Variants in ATP7A observed in about 807,000 individuals in gnomAD.
ATP7A encodes the protein ATPase copper transporting alpha.
Under a neutral mutation model 83.5 loss-of-function variants are expected in ATP7A, and 7 were observed. The ratio of observed to expected loss-of-function variants is 0.08; its 90% CI spans 0.05 to 0.16. The LOEUF (loss-of-function observed/expected upper bound fraction) is 0.16. Ranked by LOEUF, ATP7A falls within the 10% of genes least tolerant of loss-of-function variation. ATP7A has a pLI of 1.00. For synonymous variants in ATP7A, 354 were observed against 395.2 expected, an observed-to-expected ratio of 0.90 and a Z score of 1.24; for missense variants, 940 against 1,120.8, an observed-to-expected ratio of 0.84 and a Z score of 2.30.
intron 2 of ATP7A, 51 bp from the exon 3 acceptor site, chrX:77,988,191 C>G: frequency 2.6e-6 from 3 of 1,135,098 alleles, no homozygotes; most frequent in Non-Finnish European, 3.6e-6. Context: ...TATTTTAAAT[C>G]CTGTGTGATA....
At chrX:77,984,136 A>G (rs183244262) in intron 2 of ATP7A, among the ~76,000 whole-genome samples, 135 of 111,113 alleles carry the variant, frequency 1.2e-3, no homozygotes, top group African/African-American at 3.0e-3. Context: ...AGAGAAGGGA[A>G]GTTATTTTTG....
intron 2 of ATP7A, among the ~76,000 whole-genome samples, chrX:77,972,579 G>T (rs899649332): frequency 8.9e-6 from 1 of 112,040 alleles, no homozygotes; most frequent in African/African-American, 3.2e-5. Context: ...TTGAACTCCT[G>T]ACCTCAGGTG....
At chrX:78,016,059 C>A (rs782482137) in intron 12 of ATP7A, among the ~76,000 whole-genome samples, 178 bp downstream of exon 12, 5 of 111,652 alleles carry the variant, frequency 4.5e-5, no homozygotes, top group Non-Finnish European at 9.4e-5. Context: ...GCTATTAGTC[C>A]ATTTTCACAT....
chrX:78,043,823 A>G (rs930316643), intron 21 of ATP7A, among the ~76,000 whole-genome samples: 2 of 105,178 alleles, frequency 1.9e-5, no homozygotes, highest in Admixed American at 2.1e-4. Context: ...ACGCCCAACT[A>G]ATTTTTGTAT....
intron 5 of ATP7A, among the ~76,000 whole-genome samples, chrX:78,000,802 C>G (rs1326653523): frequency 1.8e-5 from 2 of 109,434 alleles, no homozygotes; most frequent in East Asian, 5.7e-4. Flanking sequence ...GTAGCTGGGA[C>G]TACAGGTGTA....
intron 2 of ATP7A, among the ~76,000 whole-genome samples, chrX:77,972,686 C>A (rs1468345480): frequency 1.8e-5 from 2 of 110,304 alleles, no homozygotes; most frequent in Non-Finnish European, 3.8e-5. Flanking sequence ...TTTTTTGTAG[C>A]GATGGGGGTC....
chrX:77,932,283 G>A (rs1557224550), intron 1 of ATP7A, among the ~76,000 whole-genome samples: 1 of 107,512 alleles, frequency 9.3e-6, no homozygotes. Context: ...CGGGGCAGAG[G>A]TGCTCCCCAC....
chrX:78,041,352 C>T (rs781998326), intron 19 of ATP7A, among the ~76,000 whole-genome samples: 9 of 109,333 alleles, frequency 8.2e-5, no homozygotes, highest in Non-Finnish European at 1.1e-4. Context: ...CTCGGCTCAT[C>T]GCAACCTCCA....
At position 77,959,211 on chromosome X, in the gene ATP7A, A is replaced by G. The variant is rs571032142; in HGVS notation, c.-21-12410A>G. On this transcript the variant is annotated intron_variant, in intron 1 of 22. Transcript: ENST00000341514. ...TTTTCAGGTGGTTTGCTATTAGCAT[A>G]TAGAAACACTACTGATTTTAATAAG... Among the ~76,000 whole-genome samples, 5 of 111,255 alleles carry G rather than the reference A, an allele frequency of 4.5e-5. No individual in the cohort carries two copies. The South Asian group carries it at 1.9e-3, about 42-fold the overall frequency.
In ATP7A at chrX:77,969,050, C is replaced by T. The variant is rs148072662; in HGVS notation, c.-21-2571C>T. ...ATAGCCTCTTCAGAGAGACCCTCCA[C>T]ATGCTTGGCAATGCCCTGGAGGCTG... On this transcript the variant is annotated intron_variant, in intron 1 of 22. Coordinates refer to ENST00000341514, the MANE Select transcript of ATP7A (RefSeq NM_000052.7). 6.6e-6 allele frequency: 8 copies of T among 1,210,434 alleles called. No individual in the cohort carries two copies. In the African/African-American group the frequency reaches 1.4e-4, roughly 21 times the overall value.
rs782383553 is a variant in ATP7A, at chrX:78,024,946, G to A, written c.2916+3867G>A. Among the ~76,000 whole-genome samples the A allele has an allele frequency of 1.2e-4, 13 of 111,569 alleles. No individual in the cohort carries two copies. In the South Asian group the frequency reaches 2.6e-3, roughly 23 times the overall value. On this transcript the variant is annotated intron_variant, in intron 14 of 22. Coordinates refer to ENST00000341514, the MANE Select transcript of ATP7A (RefSeq NM_000052.7). Reference sequence around the variant, plus strand: ...TTACTCTTGAGTGCCATCTACTGGTGTGTATCCTGAACTGCATCATAAAAT... The same window carrying A: ...TTACTCTTGAGTGCCATCTACTGGTATGTATCCTGAACTGCATCATAAAAT...
rs782600025 is a variant in ATP7A at position 78,031,589 on chromosome X, T to G, written c.3294+7T>G. On this transcript the variant is annotated splice_region_variant and intron_variant, in intron 16 of 22. Coordinates refer to ENST00000341514, the MANE Select transcript of ATP7A (RefSeq NM_000052.7). ...AACCAAATATTGCAAACAGGTACATTTTTTTCCTCTTGTTTATTAGTGTAG... is the reference window on the plus strand; with the variant it reads ...AACCAAATATTGCAAACAGGTACATGTTTTTCCTCTTGTTTATTAGTGTAG... The G allele has an allele frequency of 1.2e-5, 15 of 1,204,199 alleles. No individual in the cohort carries two copies. Among genetic ancestry groups the G allele is most frequent in the Non-Finnish European group, 1.6e-5 (14 of 888,741 alleles).
intron 21 of ATP7A, 70 bp from the exon 22 acceptor site, chrX:78,045,400 T>C (rs1376784993): frequency 1.3e-5 from 11 of 856,473 alleles, no homozygotes; most frequent in Non-Finnish European, 1.7e-5. Flanking sequence ...ATGATTTGTA[T>C]GTATGTTAGA....
intron 1 of ATP7A, among the ~76,000 whole-genome samples, chrX:77,945,746 A>C (rs1454980644): frequency 8.9e-6 from 1 of 111,898 alleles, no homozygotes; most frequent in Non-Finnish European, 1.9e-5. Context: ...ACCTATATTA[A>C]GATTCTATAG....
At chrX:77,937,020 C>T (rs2077323516) in intron 1 of ATP7A, among the ~76,000 whole-genome samples, 1 of 112,281 alleles carries the variant, frequency 8.9e-6, no homozygotes, top group Non-Finnish European at 1.9e-5. Flanking sequence ...AACCAAATAA[C>T]AAAATGGGTA....
At position 78,020,888 on chromosome X, in the gene ATP7A, C is replaced by T. The variant is rs2077900997; in HGVS notation, c.2782-57C>T. The T allele has an allele frequency of 3.6e-6, 4 of 1,110,741 alleles. No homozygotes were observed. In the African/African-American group the frequency reaches 7.3e-5, roughly 20 times the overall value. The allele number at this position is 1,110,741 out of a possible 1,213,427, so 91.5% of individuals were successfully genotyped here. On this transcript the variant is annotated intron_variant, in intron 13 of 22. Coordinates refer to ENST00000341514, the MANE Select transcript of ATP7A (RefSeq NM_000052.7). ...ACTAAATATACTCTGCATTCAGTAT[C>T]AGAAAAGACTTTGATATGCTTCTTC...
chrX:77,979,795 A>G (rs1013111347), intron 2 of ATP7A, among the ~76,000 whole-genome samples: 19 of 113,022 alleles, frequency 1.7e-4, no homozygotes, highest in African/African-American at 6.1e-4. Context: ...TGGAATAAAT[A>G]GAATATGACT....
rs145850883 is a variant in ATP7A, at chrX:77,976,674, A to G, written c.120+4913A>G. 4.6e-3 allele frequency among the ~76,000 whole-genome samples: 515 copies of G among 112,122 alleles called. 3 individuals are homozygous for G. The highest frequency in any genetic ancestry group is 6.3e-3 in the Non-Finnish European group (336 of 53,235). ...TGGCCAGAGAGTAAACTTTGGATCC[A>G]TATTACTATTTGTATGAGGGAAAAA... On this transcript the variant is annotated intron_variant, in intron 2 of 22. Transcript: ENST00000341514.
intron 15 of ATP7A, among the ~76,000 whole-genome samples, chrX:78,029,768 C>A (rs1557236814): frequency 8.9e-6 from 1 of 111,915 alleles, no homozygotes; most frequent in East Asian, 2.8e-4. Flanking sequence ...GAAAATTTGC[C>A]AAACTCCAGC....
Sources: gnomAD v4.1 joint callset for allele counts (sites outside exome capture counted in the v4.1 genomes callset) on GRCh38, gnomAD v4.1.1 for gene constraint, MANE v1.5 for transcripts, NCBI Gene and HGNC (gene_info 2026-07-23, HGNC 2026-07-21) for gene names.